NCKAP5: variants seen among roughly 807,000 people sequenced by gnomAD.
NCKAP5 encodes NCK associated protein 5, also known as nck-associated protein 5.
A neutral mutation model predicts 167.0 loss-of-function variants in NCKAP5; 92 were observed. That is an observed-to-expected ratio of 0.55 (90% CI 0.47 to 0.66). The LOEUF (loss-of-function observed/expected upper bound fraction) is 0.66. Ranked by LOEUF, NCKAP5 falls within the 30% of genes least tolerant of loss-of-function variation. The pLI is 0.00. For synonymous variants in NCKAP5, 891 were observed against 877.4 expected, an observed-to-expected ratio of 1.02 and a Z score of -0.27; for missense variants, 2,378 against 2,315.0, an observed-to-expected ratio of 1.03 and a Z score of -0.56.
At chr2:133,017,093 CAT>C (rs1286196808) in intron 6 of NCKAP5, among the ~76,000 whole-genome samples, 1 of 152,132 alleles carries the variant, frequency 6.6e-6, no homozygotes. Flanking sequence ...TCCTGACAAA[CAT>C]AATATGAACG....
chr2:132,920,771 G>GTATGTATGTGTGTATATATA (rs1553479343), intron 8 of NCKAP5, among the ~76,000 whole-genome samples: 2 of 31,570 alleles, frequency 6.3e-5, no homozygotes, highest in African/African-American at 2.2e-4. Context: ...ATATATGTAT[G>GTATGTATGTGTGTATATATA]TATATATATA....
At chr2:133,579,201 G>C in the NCKAP5 span, among the ~76,000 whole-genome samples, 70 of 152,298 alleles carry the variant, frequency 4.6e-4, 2 homozygotes, top group Middle Eastern at 3.4e-3. Flanking sequence ...CATACAGGTT[G>C]AGTAATTTGC....
intron 16 of NCKAP5, among the ~76,000 whole-genome samples, chr2:132,755,032 A>C (rs1574090314): frequency 6.6e-6 from 1 of 152,228 alleles, no homozygotes; most frequent in Non-Finnish European, 1.5e-5. Context: ...TTAGTAACTG[A>C]AGTGAACTTG....
chr2:132,836,747 A>G (rs780194693), intron 11 of NCKAP5, among the ~76,000 whole-genome samples: 28 of 152,004 alleles, frequency 1.8e-4, no homozygotes, highest in Non-Finnish European at 3.7e-4. Context: ...CTTATGCCAT[A>G]CTATAAAGCT....
At chr2:133,200,065 T>TTTTTTC (rs2085614876) in intron 5 of NCKAP5, among the ~76,000 whole-genome samples, 1 of 146,240 alleles carries the variant, frequency 6.8e-6, no homozygotes, top group Non-Finnish European at 1.5e-5. Flanking sequence ...TTCTTTCTTT[T>TTTTTTC]TTTTTTTTTT....
chr2:133,384,682 C>A lies in NCKAP5; in HGVS notation c.70-81572G>T, dbSNP rs539179813. Among the ~76,000 whole-genome samples the A allele has an allele frequency of 2.0e-5, 3 of 152,250 alleles. No individual in the cohort carries two copies. The South Asian group carries it at 6.2e-4, about 32-fold the overall frequency. On this transcript the variant is annotated intron_variant, in intron 3 of 19. Transcript: ENST00000409261. ...TTTTCACAATATTGATTCTTCCTAC[C>A]CATGAGCATGGAATGTTCTTCCATT...
At chr2:133,197,142 A>C (rs1384032048) in intron 5 of NCKAP5, among the ~76,000 whole-genome samples, 1 of 152,204 alleles carries the variant, frequency 6.6e-6, no homozygotes, top group Non-Finnish European at 1.5e-5. Flanking sequence ...TAAAAATGCC[A>C]GAGAGCTCCA....
intron 7 of NCKAP5, among the ~76,000 whole-genome samples, chr2:132,972,275 T>A (rs2076857263): frequency 6.6e-6 from 1 of 152,200 alleles, no homozygotes; most frequent in Non-Finnish European, 1.5e-5. Context: ...GGGCTCACTA[T>A]CTTATGATTG....
At chr2:133,145,733 T>C (rs997287896) in intron 5 of NCKAP5, among the ~76,000 whole-genome samples, 3 of 152,110 alleles carry the variant, frequency 2.0e-5, no homozygotes, top group African/African-American at 4.8e-5. Context: ...TACACATTGA[T>C]TGCTGTTAAA....
chr2:132,722,122 C>T (rs935821505), intron 19 of NCKAP5, among the ~76,000 whole-genome samples: 5 of 152,166 alleles, frequency 3.3e-5, no homozygotes, highest in African/African-American at 4.8e-5. Flanking sequence ...CAACCTAATG[C>T]GGATTCTTGA....
At chr2:133,544,132 C>G (rs1044331288) in intron 2 of NCKAP5, among the ~76,000 whole-genome samples, 1 of 152,220 alleles carries the variant, frequency 6.6e-6, no homozygotes, top group Non-Finnish European at 1.5e-5. Flanking sequence ...TGTCTGGAAA[C>G]TGATGCACCC....
At chr2:132,766,991 G>A (rs747547573) in intron 16 of NCKAP5, among the ~76,000 whole-genome samples, 13 of 152,168 alleles carry the variant, frequency 8.5e-5, no homozygotes, top group Non-Finnish European at 1.6e-4. Context: ...TTACCAGAAT[G>A]GCCATTATAC....
chr2:133,136,867 T>G (rs10928440), intron 5 of NCKAP5, among the ~76,000 whole-genome samples: 1 of 152,066 alleles, frequency 6.6e-6, no homozygotes, highest in Non-Finnish European at 1.5e-5. Flanking sequence ...CAACATCCAA[T>G]GTGCACTCAA....
chr2:133,213,818 A>G (rs2086310179), intron 4 of NCKAP5, 39 bp from the exon 5 acceptor site: 1 of 1,603,316 alleles, frequency 6.2e-7, no homozygotes, highest in African/African-American at 1.3e-5. Context: ...GACCATTCTC[A>G]GGGTAGAGGT....
In NCKAP5 at chr2:132,782,900, T is replaced by C; in HGVS notation, c.3911A>G (p.Asn1304Ser). The change falls in exon 14 of 20, where the codon AAT becomes AGT. Residue 1304 changes from asparagine to serine, a missense_variant. Transcript: ENST00000409261. Reference sequence around the variant, plus strand: ...AAGAGAATTGCCTCTCTCGGCGGTATTGGTAATGATCTGAGTGCGGACTTT... The same window carrying C: ...AAGAGAATTGCCTCTCTCGGCGGTACTGGTAATGATCTGAGTGCGGACTTT... ...SGKVRTQIIT[N>S]TAERGNSLTR... The C allele has an allele frequency of 6.2e-7, 1 of 1,613,880 alleles. No homozygotes were observed. The highest frequency in any genetic ancestry group is 1.1e-5 in the South Asian group (1 of 91,076).
At chr2:133,162,983 G>A (rs2083859131) in intron 5 of NCKAP5, among the ~76,000 whole-genome samples, 1 of 152,152 alleles carries the variant, frequency 6.6e-6, no homozygotes, top group African/African-American at 2.4e-5. Context: ...TCCATAAAAG[G>A]AGAAGTATAA....
intron 3 of NCKAP5, among the ~76,000 whole-genome samples, chr2:133,439,817 C>G (rs1352073317): frequency 6.6e-6 from 1 of 152,102 alleles, no homozygotes; most frequent in Non-Finnish European, 1.5e-5. Flanking sequence ...TTATGCAAGT[C>G]TAGTAACCAT....
At chr2:132,723,731 AG>A (rs1234342774) in intron 19 of NCKAP5, among the ~76,000 whole-genome samples, 1 of 152,176 alleles carries the variant, frequency 6.6e-6, no homozygotes, top group Non-Finnish European at 1.5e-5. Context: ...GAGGTCACTT[AG>A]CCAGTGCTGG....
intron 11 of NCKAP5, among the ~76,000 whole-genome samples, chr2:132,809,270 A>G (rs1685673301): frequency 6.6e-6 from 1 of 152,036 alleles, no homozygotes; most frequent in Non-Finnish European, 1.5e-5. Context: ...ATTCTGTATA[A>G]ATCTGTTAAG....
Sources: allele counts gnomAD v4.1 joint callset (sites outside exome capture counted in the v4.1 genomes callset), GRCh38; gene constraint gnomAD v4.1.1; transcripts MANE v1.5; gene names NCBI Gene and HGNC (gene_info 2026-07-23, HGNC 2026-07-21).